NBAS: variants seen among roughly 807,000 people sequenced by gnomAD.
The protein encoded by NBAS is NAG/BC035112 fusion.
NBAS carries 219 observed loss-of-function variants against 302.5 expected under a neutral mutation model. The observed-to-expected ratio is 0.72, with a 90% confidence interval of 0.65 to 0.81. NBAS has a LOEUF of 0.81. Among genes scored for constraint, NBAS ranks in the 30% least tolerant of loss-of-function variants. NBAS has a pLI of 0.00. For missense variants in NBAS, 2,932 were observed against 2,841.6 expected (o/e 1.03, Z -0.72); for synonymous variants, 1,118 against 1,021.6 (o/e 1.09, Z -1.80).
the NBAS span, among the ~76,000 whole-genome samples, chr2:14,825,432 A>G: frequency 6.6e-6 from 1 of 152,194 alleles, no homozygotes; most frequent in East Asian, 1.9e-4. Flanking sequence ...CTTTCTCTAG[A>G]CAGAAAATTT....
chr2:14,921,133 A>C, the NBAS span, among the ~76,000 whole-genome samples: 1 of 152,050 alleles, frequency 6.6e-6, no homozygotes, highest in East Asian at 1.9e-4. Flanking sequence ...AGGGTTATTA[A>C]CTGGCCTAAT....
At chr2:15,510,894 A>G (rs2148647747) in intron 10 of NBAS, among the ~76,000 whole-genome samples, 1 of 152,340 alleles carries the variant, frequency 6.6e-6, no homozygotes, top group East Asian at 1.9e-4. Flanking sequence ...AAAGCACTCC[A>G]AATAGCTGCC....
At chr2:15,476,752 A>T (rs543804353) in intron 13 of NBAS, among the ~76,000 whole-genome samples, 1 of 152,304 alleles carries the variant, frequency 6.6e-6, no homozygotes, top group African/African-American at 2.4e-5. Flanking sequence ...ATTATGGTTC[A>T]CCAAACTAAG....
chr2:15,515,284 CA>C (rs1009220644), intron 9 of NBAS, among the ~76,000 whole-genome samples: 1 of 151,748 alleles, frequency 6.6e-6, no homozygotes. Context: ...ATTAGTGGCA[CA>C]AAAGATGACA....
intron 44 of NBAS, among the ~76,000 whole-genome samples, chr2:15,265,633 TA>T: frequency 6.6e-6 from 1 of 152,282 alleles, no homozygotes; most frequent in East Asian, 1.9e-4. Flanking sequence ...ATATTAATTT[TA>T]AAAAGTAGCA....
chr2:15,179,389 G>C, intron 50 of NBAS: 1 of 379,162 alleles, frequency 2.6e-6, no homozygotes, highest in Non-Finnish European at 4.9e-6. Context: ...AGATATAGTG[G>C]TATAATTTAT....
chr2:15,506,831 T>A (rs10193326), intron 10 of NBAS, among the ~76,000 whole-genome samples: 84,786 of 152,062 alleles, frequency 0.56, 24,335 homozygotes, highest in Middle Eastern at 0.62. Flanking sequence ...TAAGCTGATT[T>A]TTGTATAAGC....
At chr2:14,880,535 C>T in the NBAS span, among the ~76,000 whole-genome samples, 1 of 151,352 alleles carries the variant, frequency 6.6e-6, no homozygotes, top group African/African-American at 2.4e-5. Context: ...ATGAAAAAGA[C>T]AAAATCATAT....
chr2:15,199,252 C>A (rs1488861961), intron 48 of NBAS, among the ~76,000 whole-genome samples: 2 of 150,600 alleles, frequency 1.3e-5, no homozygotes, highest in Admixed American at 1.3e-4. Flanking sequence ...TCACAAATCA[C>A]AAAAGATGAA....
At chr2:15,135,723 C>T in the NBAS span, among the ~76,000 whole-genome samples, 1 of 151,978 alleles carries the variant, frequency 6.6e-6, no homozygotes, top group Non-Finnish European at 1.5e-5. Context: ...TGTAACTCCC[C>T]CCTCCCACCA....
chr2:14,821,279 G>C, the NBAS span, among the ~76,000 whole-genome samples: 1 of 152,138 alleles, frequency 6.6e-6, no homozygotes, highest in African/African-American at 2.4e-5. Flanking sequence ...AGGTGGCTTG[G>C]TGGTCAGAAG....
At chr2:14,850,167 C>T in the NBAS span, among the ~76,000 whole-genome samples, 15 of 134,864 alleles carry the variant, frequency 1.1e-4, 1 homozygote, top group East Asian at 2.3e-3. Context: ...CATCAGTGTG[C>T]TGTATTCAGG....
the NBAS span, among the ~76,000 whole-genome samples, chr2:14,935,328 A>T: frequency 6.6e-6 from 1 of 152,168 alleles, no homozygotes; most frequent in Non-Finnish European, 1.5e-5. Flanking sequence ...ATCATTTTTT[A>T]AAATTTCCTA....
chr2:15,311,189 C>G (rs1671259529), intron 38 of NBAS, among the ~76,000 whole-genome samples: 1 of 152,224 alleles, frequency 6.6e-6, no homozygotes, highest in Admixed American at 6.5e-5. Flanking sequence ...TGCAAAACAT[C>G]TGAATACTCA....
the NBAS span, among the ~76,000 whole-genome samples, chr2:14,982,158 T>C: frequency 6.6e-6 from 1 of 152,162 alleles, no homozygotes; most frequent in Admixed American, 6.5e-5. Context: ...GGAGAGGCCA[T>C]GCATAGCTGC....
intron 9 of NBAS, among the ~76,000 whole-genome samples, chr2:15,528,273 A>G (rs1018868354): frequency 6.6e-6 from 1 of 151,798 alleles, no homozygotes; most frequent in Non-Finnish European, 1.5e-5. Context: ...TAGCTCCTTT[A>G]TCTGGACCCC....
chr2:15,170,330 CA>C (rs1487405409), intron 51 of NBAS, among the ~76,000 whole-genome samples: 8 of 152,052 alleles, frequency 5.3e-5, no homozygotes, highest in African/African-American at 1.7e-4. Context: ...GCAGGGAGGG[CA>C]AGGGGTGGGG....
chr2:15,072,871 G>A, the NBAS span, among the ~76,000 whole-genome samples: 44,070 of 152,120 alleles, frequency 0.29, 6,745 homozygotes, highest in African/African-American at 0.39. Context: ...GCTCATGCCT[G>A]TAACCCCAAC....
At chr2:15,271,499 G>A (rs1669321798) in intron 44 of NBAS, among the ~76,000 whole-genome samples, 1 of 152,160 alleles carries the variant, frequency 6.6e-6, no homozygotes, top group South Asian at 2.1e-4. Flanking sequence ...GGAAAGGGGA[G>A]TGGGTAAATA....
Sources: gnomAD v4.1 joint callset for allele counts (sites outside exome capture counted in the v4.1 genomes callset) on GRCh38, gnomAD v4.1.1 for gene constraint, MANE v1.5 for transcripts, NCBI Gene and HGNC (gene_info 2026-07-23, HGNC 2026-07-21) for gene names.